MSH4: variants seen among roughly 807,000 people sequenced by gnomAD.
The protein encoded by MSH4 is mutS protein homolog 4.
Under a neutral mutation model 113.7 loss-of-function variants are expected in MSH4, and 106 were observed. The ratio of observed to expected loss-of-function variants is 0.93; its 90% CI spans 0.80 to 1.10. The LOEUF is 1.10. Ranked by LOEUF, MSH4 falls within the 50% of genes least tolerant of loss-of-function variation. The pLI is 0.00. For missense variants in MSH4, 1,061 were observed against 1,093.7 expected, an observed-to-expected ratio of 0.97 and a Z score of 0.42; for synonymous variants, 368 against 380.2, an observed-to-expected ratio of 0.97 and a Z score of 0.37.
chr1:75,826,694 G>A (rs10782556), intron 7 of MSH4, among the ~76,000 whole-genome samples: 1 of 151,870 alleles, frequency 6.6e-6, no homozygotes, highest in Non-Finnish European at 1.5e-5. Context: ...GTACTTCTTT[G>A]TTTCTGACTT....
chr1:75,908,598 G>A (rs960726750), intron 19 of MSH4, among the ~76,000 whole-genome samples: 1 of 152,132 alleles, frequency 6.6e-6, no homozygotes, highest in Non-Finnish European at 1.5e-5. Context: ...TTGATCACCA[G>A]CTCCTTGCTT....
At chr1:75,808,342 GTTA>G (rs1417277740) in intron 3 of MSH4, among the ~76,000 whole-genome samples, 1 of 152,108 alleles carries the variant, frequency 6.6e-6, no homozygotes, top group East Asian at 1.9e-4. Flanking sequence ...GCTCATAACT[GTTA>G]TTATACCTGT....
At chr1:75,814,607 T>C (rs996289944) in intron 4 of MSH4, among the ~76,000 whole-genome samples, 1 of 152,160 alleles carries the variant, frequency 6.6e-6, no homozygotes, top group African/African-American at 2.4e-5. Flanking sequence ...TATGATAGAC[T>C]ATGGAAAGAT....
chr1:75,803,072 C>G (rs909791794), intron 1 of MSH4, among the ~76,000 whole-genome samples: 1 of 152,152 alleles, frequency 6.6e-6, no homozygotes, highest in African/African-American at 2.4e-5. Context: ...GGCCCCACCT[C>G]TGTCCTGCCA....
chr1:75,805,587 A>G (rs1300623527), intron 2 of MSH4, among the ~76,000 whole-genome samples: 2 of 151,122 alleles, frequency 1.3e-5, no homozygotes, highest in Non-Finnish European at 2.9e-5. Context: ...GGGTTTCGCC[A>G]TGTTGGCCAG....
rs144900390 is a variant in MSH4, at chr1:75,907,512, C to T, written c.2620-5184C>T. ...ATTTGGGATGAATATATTTGGTGTT[C>T]TGTGACCTCTTGTACCTAGATATTA... is the stretch of plus-strand genomic sequence containing the variant. On this transcript the variant is annotated intron_variant, in intron 19 of 19. Coordinates refer to ENST00000263187, the MANE Select transcript of MSH4 (RefSeq NM_002440.4). Among the ~76,000 whole-genome samples the T allele has an allele frequency of 3.4e-3, 517 of 151,680 alleles. 1 individual carries two copies. Among genetic ancestry groups the T allele is most frequent in the Non-Finnish European group, 6.1e-3 (411 of 67,920 alleles).
intron 15 of MSH4, among the ~76,000 whole-genome samples, chr1:75,887,117 A>T (rs1652143156): frequency 6.6e-6 from 1 of 151,828 alleles, no homozygotes; most frequent in Non-Finnish European, 1.5e-5. Flanking sequence ...CTGTGTCTCC[A>T]CCCAAATCTC....
Position 75,899,626 on chromosome 1 carries a change from G to T in MSH4, c.2539G>T (p.Ala847Ser), listed in dbSNP as rs1425314264. 1 of 1,487,792 alleles carries T rather than the reference G, an allele frequency of 6.7e-7. No individual in the cohort carries two copies. Among genetic ancestry groups the T allele is most frequent in the Non-Finnish European group, 8.9e-7 (1 of 1,122,308 alleles). 92.2% of individuals were successfully genotyped at this position (1,487,792 alleles called of 1,614,324 possible). Residue 847 changes from alanine to serine, a missense_variant, in exon 19 of 20, where the codon GCT becomes TCT. Physicochemically the swap from Ala to Ser is moderately conservative, Grantham distance 99. Coordinates refer to ENST00000263187, the MANE Select transcript of MSH4 (RefSeq NM_002440.4). ...LTEEKNYGLK[A>S]AEVSSLPPSI... ...AAAACAAATAATTCTAGGATTAAAAGCTGCAGAGGTGTCATCACTTCCACC... is the reference window on the plus strand; with the variant it reads ...AAAACAAATAATTCTAGGATTAAAATCTGCAGAGGTGTCATCACTTCCACC...
intron 8 of MSH4, among the ~76,000 whole-genome samples, 195 bp from the exon 9 acceptor site, chr1:75,867,319 C>G (rs1272460667): frequency 6.6e-6 from 1 of 151,980 alleles, no homozygotes. Flanking sequence ...CATTTCCAGA[C>G]TTTTGGGAAA....
At chr1:75,805,939 T>C (rs1454851193) in intron 2 of MSH4, among the ~76,000 whole-genome samples, 2 of 152,108 alleles carry the variant, frequency 1.3e-5, no homozygotes, top group Non-Finnish European at 2.9e-5. Flanking sequence ...TATTATGGTA[T>C]GCTCTTATTA....
chr1:75,852,320 T>A (rs28784995), intron 8 of MSH4, among the ~76,000 whole-genome samples: 1 of 152,194 alleles, frequency 6.6e-6, no homozygotes, highest in Non-Finnish European at 1.5e-5. Context: ...CTTTTGACTA[T>A]TATGAATAAT....
chr1:75,830,937 C>A (rs1371853164), intron 7 of MSH4, among the ~76,000 whole-genome samples: 1 of 152,130 alleles, frequency 6.6e-6, no homozygotes, highest in Non-Finnish European at 1.5e-5. Flanking sequence ...TCACACGTAA[C>A]CATATTAACC....
In MSH4 at chr1:75,871,207, T is replaced by A. The variant is rs144383102; in HGVS notation, c.1305+3619T>A. Among the ~76,000 whole-genome samples the A allele has an allele frequency of 1.2e-4, 18 of 152,206 alleles. No individual in the cohort carries two copies. The East Asian group carries it at 3.1e-3, about 26-fold the overall frequency. On this transcript the variant is annotated intron_variant, in intron 9 of 19. Coordinates refer to ENST00000263187, the MANE Select transcript of MSH4 (RefSeq NM_002440.4). ...ACACTTATAAAACGATCAGATCTGATGAGAACTCACTCACCATCATGAGAA... is the reference window on the plus strand; with the variant it reads ...ACACTTATAAAACGATCAGATCTGAAGAGAACTCACTCACCATCATGAGAA...
chr1:75,891,430 C>T (rs1003843154), intron 17 of MSH4, among the ~76,000 whole-genome samples: 4 of 151,868 alleles, frequency 2.6e-5, no homozygotes, highest in African/African-American at 9.7e-5. Context: ...AAATGAAAGT[C>T]CATAATGATT....
At chr1:75,827,568 T>A (rs2100526498) in intron 7 of MSH4, among the ~76,000 whole-genome samples, 1 of 150,896 alleles carries the variant, frequency 6.6e-6, no homozygotes, top group African/African-American at 2.4e-5. Context: ...TCAAGACCCA[T>A]CAGTGTGCTG....
chr1:75,798,818 A>C (rs1649874752), intron 1 of MSH4, among the ~76,000 whole-genome samples: 1 of 152,142 alleles, frequency 6.6e-6, no homozygotes, highest in South Asian at 2.1e-4. Flanking sequence ...TCAGCCTCCC[A>C]AAATGCTGGG....
chr1:75,810,496 C>T (rs1029420422), intron 3 of MSH4, among the ~76,000 whole-genome samples: 2 of 145,682 alleles, frequency 1.4e-5, no homozygotes, highest in South Asian at 4.4e-4. Context: ...CTCAAGTGAT[C>T]TGCCCACCTC....
At chr1:75,819,549 A>G (rs1019556395) in intron 6 of MSH4, among the ~76,000 whole-genome samples, 1 of 152,224 alleles carries the variant, frequency 6.6e-6, no homozygotes, top group Non-Finnish European at 1.5e-5. Context: ...GTCTGTGAAG[A>G]CAGGAATCAT....
intron 8 of MSH4, among the ~76,000 whole-genome samples, chr1:75,863,080 A>T (rs1651492549): frequency 6.6e-6 from 1 of 152,084 alleles, no homozygotes; most frequent in Non-Finnish European, 1.5e-5. Context: ...AATTTTTATC[A>T]TGAGTTTTTT....
Sources: gnomAD v4.1 joint callset for allele counts (sites outside exome capture counted in the v4.1 genomes callset) on GRCh38, gnomAD v4.1.1 for gene constraint, MANE v1.5 for transcripts, NCBI Gene and HGNC (gene_info 2026-07-23, HGNC 2026-07-21) for gene names.